Variants in PDXDC1 observed in about 807,000 individuals in gnomAD.
PDXDC1 encodes pyridoxal dependent decarboxylase domain containing 1.
In PDXDC1, 42 loss-of-function variants were observed where a neutral mutation model predicts 100.1. The ratio of observed to expected loss-of-function variants is 0.42; its 90% CI spans 0.33 to 0.54. The LOEUF is 0.54. Ranked by LOEUF, PDXDC1 falls within the 20% of genes least tolerant of loss-of-function variation. The probability of loss-of-function intolerance (pLI) is 0.10; values close to 1 mark genes in which losing one functional copy is unlikely to be tolerated. For missense variants in PDXDC1, 636 were observed against 979.2 expected, an observed-to-expected ratio of 0.65 and a Z score of 4.68; for synonymous variants, 260 against 371.7, an observed-to-expected ratio of 0.70 and a Z score of 3.46.
chr16:14,994,456 G>A (rs1213537069), intron 1 of PDXDC1, among the ~76,000 whole-genome samples: 2 of 152,266 alleles, frequency 1.3e-5, no homozygotes, highest in East Asian at 3.8e-4. Flanking sequence ...TTGTAGATAT[G>A]CGGCATTATT....
At chr16:15,032,570 A>T (rs1567720707) in intron 17 of PDXDC1, 1 of 265,494 alleles carries the variant, frequency 3.8e-6, no homozygotes, top group Non-Finnish European at 7.1e-6. Flanking sequence ...GGAAGGATCA[A>T]CTGAGCCCAG....
At chr16:15,071,940 A>C (rs976973319) in intron 16 of PDXDC1, among the ~76,000 whole-genome samples, 1 of 152,096 alleles carries the variant, frequency 6.6e-6, no homozygotes, top group Non-Finnish European at 1.5e-5. Flanking sequence ...CCACATGGGC[A>C]CTCCTGTGAG....
At chr16:15,042,790 T>C (rs974127816), downstream of PDXDC1, among the ~76,000 whole-genome samples, 2 of 151,960 alleles carry the variant, frequency 1.3e-5, no homozygotes, top group Admixed American at 1.3e-4. Context: ...TGGAGTGCAG[T>C]GGTGTGATCT....
chr16:15,062,238 C>A (rs1202608702), intron 16 of PDXDC1, among the ~76,000 whole-genome samples: 1 of 152,166 alleles, frequency 6.6e-6, no homozygotes, highest in African/African-American at 2.4e-5. Flanking sequence ...ACATTGTAAT[C>A]ATTTGTTTCA....
chr16:14,984,688 G>T (rs1174617754), intron 1 of PDXDC1, among the ~76,000 whole-genome samples: 1 of 151,866 alleles, frequency 6.6e-6, no homozygotes, highest in African/African-American at 2.4e-5. Context: ...GTAGAGACGA[G>T]ATTTCACCAT....
At chr16:14,991,750 G>A (rs1970901408) in intron 1 of PDXDC1, among the ~76,000 whole-genome samples, 2 of 152,036 alleles carry the variant, frequency 1.3e-5, no homozygotes, top group South Asian at 2.1e-4. Flanking sequence ...TCAAACTCCC[G>A]GACTCAACTG....
chr16:15,083,458 A>G, intron 16 of PDXDC1: 1 of 1,603,550 alleles, frequency 6.2e-7, no homozygotes, highest in Non-Finnish European at 8.5e-7. Context: ...TATCATCTAA[A>G]ATGAAATCGT....
At chr16:15,073,529 G>A (rs2045328734) in intron 16 of PDXDC1, among the ~76,000 whole-genome samples, 1 of 152,122 alleles carries the variant, frequency 6.6e-6, no homozygotes, top group Non-Finnish European at 1.5e-5. Flanking sequence ...AGTTTACACA[G>A]ATTTTCCTCT....
At chr16:15,038,797 C>G, downstream of PDXDC1, 1 of 623,552 alleles carries the variant, frequency 1.6e-6, no homozygotes. Context: ...TCTGCCTAAG[C>G]TTCTTAAAAC....
intron 14 of PDXDC1, among the ~76,000 whole-genome samples, 169 bp from the exon 15 acceptor site, chr16:15,028,709 C>T (rs551747925): frequency 1.4e-4 from 21 of 152,396 alleles, no homozygotes; most frequent in African/African-American, 3.8e-4. Context: ...ACATAGATCA[C>T]GAGGAAAAAG....
At chr16:14,977,977 G>A (rs1217033220) in intron 1 of PDXDC1, among the ~76,000 whole-genome samples, 3 of 152,236 alleles carry the variant, frequency 2.0e-5, no homozygotes, top group South Asian at 2.1e-4. Context: ...TGTAGTATGC[G>A]ATCATCATTT....
At position 15,133,627 on chromosome 16, in the gene PDXDC1, G is replaced by A. The variant is rs560688505; in HGVS notation, c.1400-5252G>A. On this transcript the variant is annotated intron_variant, in intron 16 of 16. Coordinates refer to the PDXDC1 transcript ENST00000535621. ...TGCCCTTGTAGACACAGAACTCCTC[G>A]CAGTGGCCCTGGCGACAGCGCTGCA... is the stretch of plus-strand genomic sequence containing the variant. 1.9e-4 allele frequency: 250 copies of A among 1,287,430 alleles called. 2 individuals are homozygous for A. In the African/African-American group the frequency reaches 2.6e-3, roughly 14 times the overall value. The allele number at this position is 1,287,430 out of a possible 1,614,324, so 79.8% of individuals were successfully genotyped here.
chr16:15,104,902 T>A (rs1266901123), intron 16 of PDXDC1: 1 of 1,534,196 alleles, frequency 6.5e-7, no homozygotes, highest in African/African-American at 1.4e-5. Flanking sequence ...GCAGTATCAG[T>A]GTCATATCAC....
At chr16:14,999,044 C>G (rs1302581283) in intron 3 of PDXDC1, among the ~76,000 whole-genome samples, 1 of 152,280 alleles carries the variant, frequency 6.6e-6, no homozygotes, top group African/African-American at 2.4e-5. Flanking sequence ...GTGATTGTAC[C>G]ACTGCACTCC....
In PDXDC1 at chr16:15,037,884, A is replaced by T; in HGVS notation, c.*1609A>T. On this transcript the variant is annotated 3_prime_UTR_variant, in exon 23 of 23. Coordinates refer to ENST00000396410, the MANE Select transcript of PDXDC1 (RefSeq NM_015027.4). ...TGCCAAAATAAGGTTTTATTTTGAAAGTCATTTGATGAAAGTCATTTGAAA... is the reference window on the plus strand; with the variant it reads ...TGCCAAAATAAGGTTTTATTTTGAATGTCATTTGATGAAAGTCATTTGAAA... 1.8e-6 allele frequency: 1 copy of T among 562,384 alleles called. No homozygotes were observed. Among genetic ancestry groups the T allele is most frequent in the South Asian group, 3.1e-5 (1 of 32,780 alleles). The allele number at this position is 562,384 out of a possible 1,614,324, so 34.8% of individuals were successfully genotyped here.
At chr16:15,023,532 G>A (rs566480124) in intron 13 of PDXDC1, among the ~76,000 whole-genome samples, 149 of 152,340 alleles carry the variant, frequency 9.8e-4, no homozygotes, top group African/African-American at 3.4e-3. Flanking sequence ...GGTGGCACAC[G>A]CCTGTAGTCC....
intron 16 of PDXDC1, among the ~76,000 whole-genome samples, chr16:15,074,415 A>G (rs571492132): frequency 6.6e-6 from 1 of 152,312 alleles, no homozygotes; most frequent in African/African-American, 2.4e-5. Flanking sequence ...TGCACCCTAC[A>G]TCATTCTTCA....
At chr16:15,080,468 T>C (rs1056884327) in intron 16 of PDXDC1, among the ~76,000 whole-genome samples, 2 of 152,122 alleles carry the variant, frequency 1.3e-5, no homozygotes, top group Admixed American at 6.5e-5. Flanking sequence ...AGGGTCTTGC[T>C]CTCTCTCTCA....
At chr16:15,034,671 G>C (rs1486663815) in intron 21 of PDXDC1, 118 bp downstream of exon 21, 2 of 764,320 alleles carry the variant, frequency 2.6e-6, no homozygotes, top group Non-Finnish European at 4.5e-6. Flanking sequence ...TTCATCACTG[G>C]GTGTGGGCCG....
Sources: allele counts gnomAD v4.1 joint callset (sites outside exome capture counted in the v4.1 genomes callset), GRCh38; gene constraint gnomAD v4.1.1; transcripts MANE v1.5; gene names NCBI Gene and HGNC (gene_info 2026-07-23, HGNC 2026-07-21).